Variants in PTPRT observed in about 807,000 individuals in gnomAD.
The protein encoded by PTPRT is protein tyrosine phosphatase receptor type T.
Under a neutral mutation model 176.8 loss-of-function variants are expected in PTPRT, and 56 were observed. The ratio of observed to expected loss-of-function variants is 0.32; its 90% CI spans 0.26 to 0.40. The LOEUF is 0.40. Ranked by LOEUF, PTPRT falls within the 10% of genes least tolerant of loss-of-function variation. The pLI is 1.00. For synonymous variants in PTPRT, 783 were observed against 739.0 expected (o/e 1.06, Z -0.96); for missense variants, 1,540 against 1,908.2 (o/e 0.81, Z 3.60).
At chr20:42,255,385 C>T (rs1443920302) in intron 13 of PTPRT, among the ~76,000 whole-genome samples, 1 of 152,168 alleles carries the variant, frequency 6.6e-6, no homozygotes, top group African/African-American at 2.4e-5. Flanking sequence ...GAACTGTTCA[C>T]ATATGGGGCA....
intron 6 of PTPRT, among the ~76,000 whole-genome samples, chr20:42,688,913 A>T (rs1411171712): frequency 6.6e-6 from 1 of 152,132 alleles, no homozygotes; most frequent in East Asian, 1.9e-4. Context: ...CCTGGAGGAG[A>T]CTAAGAGACT....
At chr20:42,664,494 T>G (rs2146015150) in intron 7 of PTPRT, among the ~76,000 whole-genome samples, 1 of 152,320 alleles carries the variant, frequency 6.6e-6, no homozygotes, top group South Asian at 2.1e-4. Context: ...TTTTTCTAGT[T>G]TTGCCTTTTA....
At position 42,329,492 on chromosome 20, in the gene PTPRT, CACACACACACAT is replaced by C. The variant is rs1234875090; in HGVS notation, c.1866-13508_1866-13497del. ...ATAGTGGCACACACACACACACACA[CACACACACACAT>C]ACACACACACACACACACACAGGCA... On this transcript the variant is annotated intron_variant, in intron 11 of 30. Transcript: ENST00000373187. 4.4e-3 allele frequency among the ~76,000 whole-genome samples: 626 copies of C among 140,968 alleles called. 1 individual carries two copies. The highest frequency in any genetic ancestry group is 7.7e-3 in the Non-Finnish European group (490 of 63,848). 92.5% of individuals were successfully genotyped at this position (140,968 alleles called of 152,430 possible). A position where few individuals can be genotyped will look rare whatever the true frequency, so the allele number is the denominator to read the frequency against.
intron 2 of PTPRT, among the ~76,000 whole-genome samples, chr20:42,833,338 G>C (rs1280908580): frequency 6.6e-6 from 1 of 150,666 alleles, no homozygotes; most frequent in Non-Finnish European, 1.5e-5. Flanking sequence ...ATGAGAGGCT[G>C]AGACAAGAGG....
At chr20:43,069,066 A>T (rs1441427995) in intron 1 of PTPRT, among the ~76,000 whole-genome samples, 2 of 152,196 alleles carry the variant, frequency 1.3e-5, no homozygotes, top group Non-Finnish European at 2.9e-5. Context: ...AGGAAGTGAG[A>T]TTCCAAAGAT....
intron 8 of PTPRT, among the ~76,000 whole-genome samples, chr20:42,472,006 A>C (rs1288106107): frequency 6.6e-6 from 1 of 152,212 alleles, no homozygotes; most frequent in Non-Finnish European, 1.5e-5. Context: ...ACTGGTATAA[A>C]GCAAGAAGAG....
At chr20:43,113,708 G>C (rs1264292375) in intron 1 of PTPRT, among the ~76,000 whole-genome samples, 1 of 152,192 alleles carries the variant, frequency 6.6e-6, no homozygotes, top group East Asian at 1.9e-4. Context: ...AAAACTCCCA[G>C]TGGAAAGATC....
intron 11 of PTPRT, among the ~76,000 whole-genome samples, chr20:42,339,119 A>G (rs1225231459): frequency 6.6e-6 from 1 of 152,230 alleles, no homozygotes; most frequent in Non-Finnish European, 1.5e-5. Context: ...TGTTTCTCCC[A>G]GGCTGCTCTA....
In PTPRT at chr20:42,852,005, C is replaced by G. The variant is rs897467032; in HGVS notation, c.214+33802G>C. On this transcript the variant is annotated intron_variant, in intron 2 of 30. Transcript: ENST00000373187. ...CATAGACACAAATCATTTTCATTAT[C>G]TTATTTTGTATTCTGTTTCAATTAC... 3.3e-5 allele frequency among the ~76,000 whole-genome samples: 5 copies of G among 152,148 alleles called. No individual in the cohort carries two copies. The East Asian group carries it at 9.6e-4, about 29-fold the overall frequency.
intron 9 of PTPRT, among the ~76,000 whole-genome samples, chr20:42,370,892 C>T (rs1257091452): frequency 1.3e-5 from 2 of 152,166 alleles, no homozygotes; most frequent in Non-Finnish European, 2.9e-5. Context: ...CTCCTCCCTA[C>T]CCCAGGTACT....
intron 27 of PTPRT, among the ~76,000 whole-genome samples, chr20:42,094,405 A>G (rs1420447229): frequency 6.6e-6 from 1 of 152,134 alleles, no homozygotes; most frequent in Non-Finnish European, 1.5e-5. Flanking sequence ...TCAGGCCCCA[A>G]TCATTGACAT....
chr20:42,143,283 C>T (rs978947668), intron 17 of PTPRT, among the ~76,000 whole-genome samples: 3 of 151,916 alleles, frequency 2.0e-5, no homozygotes, highest in Admixed American at 6.6e-5. Flanking sequence ...TGGCCAGGCG[C>T]GATGGCTCAA....
At chr20:42,487,094 T>A (rs1350287180) in intron 7 of PTPRT, among the ~76,000 whole-genome samples, 1 of 152,202 alleles carries the variant, frequency 6.6e-6, no homozygotes, top group Non-Finnish European at 1.5e-5. Flanking sequence ...GAGGAAAGTC[T>A]GACTTTGAGT....
intron 7 of PTPRT, among the ~76,000 whole-genome samples, chr20:42,595,252 T>C (rs1175133105): frequency 6.6e-6 from 1 of 152,060 alleles, no homozygotes; most frequent in Non-Finnish European, 1.5e-5. Flanking sequence ...ACACCATCCC[T>C]CTTGTGCCTA....
chr20:42,133,477 C>T (rs1364625094), intron 18 of PTPRT, among the ~76,000 whole-genome samples: 1 of 152,144 alleles, frequency 6.6e-6, no homozygotes, highest in Non-Finnish European at 1.5e-5. Flanking sequence ...ATATGACATT[C>T]TGGAAAAAGA....
intron 9 of PTPRT, among the ~76,000 whole-genome samples, chr20:42,441,987 G>A (rs1466004630): frequency 6.6e-6 from 1 of 152,156 alleles, no homozygotes; most frequent in Non-Finnish European, 1.5e-5. Context: ...CTGCCCATCT[G>A]GAACACATCC....
At chr20:42,234,703 C>T (rs919540238) in intron 15 of PTPRT, among the ~76,000 whole-genome samples, 2 of 152,204 alleles carry the variant, frequency 1.3e-5, no homozygotes, top group Non-Finnish European at 2.9e-5. Flanking sequence ...CTAGCCATTT[C>T]TTCATCCACA....
chr20:42,756,081 TA>T (rs916930631), intron 6 of PTPRT, among the ~76,000 whole-genome samples: 1 of 151,766 alleles, frequency 6.6e-6, no homozygotes, highest in African/African-American at 2.4e-5. Flanking sequence ...TTTCAATTTT[TA>T]AAAAAAAATC....
At chr20:43,139,438 C>T (rs78504508) in intron 1 of PTPRT, among the ~76,000 whole-genome samples, 5,442 of 152,258 alleles carry the variant, frequency 0.036, 143 homozygotes, top group Non-Finnish European at 0.056. Flanking sequence ...TGGGAGACCA[C>T]GTTCCAGGAC....
Sources: allele counts gnomAD v4.1 joint callset (sites outside exome capture counted in the v4.1 genomes callset), GRCh38; gene constraint gnomAD v4.1.1; transcripts MANE v1.5; gene names NCBI Gene and HGNC (gene_info 2026-07-23, HGNC 2026-07-21).